The following TBK1 variants were observed in gnomAD, a reference collection of about 807,000 sequenced individuals.
The protein encoded by TBK1 is TANK binding kinase 1.
Under a neutral mutation model 99.9 loss-of-function variants are expected in TBK1, and 37 were observed. That is an observed-to-expected ratio of 0.37 (90% CI 0.28 to 0.49). The LOEUF (loss-of-function observed/expected upper bound fraction) is 0.49, where lower values mean the gene tolerates loss of function less well. Ranked by LOEUF, TBK1 falls within the 20% of genes least tolerant of loss-of-function variation. TBK1 has a pLI of 0.98. For missense variants in TBK1, 644 were observed against 872.5 expected (o/e 0.74, Z 3.30); for synonymous variants, 258 against 279.8 (o/e 0.92, Z 0.78).
At chr12:64,480,284 G>C (rs1213031763) in intron 7 of TBK1, among the ~76,000 whole-genome samples, 162 bp downstream of exon 7, 1 of 152,128 alleles carries the variant, frequency 6.6e-6, no homozygotes, top group Non-Finnish European at 1.5e-5. Context: ...CTTCGTGGTG[G>C]TGAAAAGATT....
intron 4 of TBK1, among the ~76,000 whole-genome samples, chr12:64,464,868 C>T (rs1250674948): frequency 2.0e-5 from 3 of 152,004 alleles, no homozygotes; most frequent in Admixed American, 2.0e-4. Context: ...AATTAATAAC[C>T]GACATCATTG....
intron 9 of TBK1, 128 bp downstream of exon 9, chr12:64,484,627 C>T: frequency 1.2e-6 from 1 of 838,028 alleles, no homozygotes; most frequent in Non-Finnish European, 1.8e-6. Context: ...TGGCTTGCAC[C>T]TGTAGTCCCA....
At position 64,464,337 on chromosome 12, in the gene TBK1, A is replaced by G. The variant is rs2040580437; in HGVS notation, c.232A>G (p.Thr78Ala). 1 of 1,573,706 alleles carries G rather than the reference A, an allele frequency of 6.4e-7. No individual in the cohort carries two copies. The highest frequency in any genetic ancestry group is 8.6e-7 in the Non-Finnish European group (1 of 1,166,944). ...VKLFAIEEET[T>A]TRHKVLIMEF... ...AATCAATGATTTTTTTTTTCAGACA[A>G]CAACAAGACATAAAGTACTTATTAT... The change falls in exon 4 of 21, where the codon ACA becomes GCA. Residue 78 changes from threonine (T) to alanine (A), a missense_variant. By Grantham distance (58) the Thr-to-Ala change is moderately conservative (BLOSUM62 0). This residue lies in a region of TBK1 where 148 missense variants were observed against 202.1 expected (regional missense o/e 0.73). Coordinates refer to ENST00000331710, the MANE Select transcript of TBK1 (RefSeq NM_013254.4).
rs774655199 is a variant in TBK1 at position 64,498,032 on chromosome 12, T to C, written c.2131T>C (p.Leu711=). ...AGAACTTGCTGAAAATAACCACATT[T>C]TAGAAAGGTGAGTAATGCAAAAATA... The part of the protein sequence containing the change: ...VKELAENNHI[L]ERFGSLTMDG... Residue 711 remains leucine, a synonymous_variant, in exon 20 of 21, where the codon TTA becomes CTA. Transcript: ENST00000331710. 5.0e-6 allele frequency: 8 copies of C among 1,602,138 alleles called. No individual in the cohort carries two copies. The highest frequency in any genetic ancestry group is 5.9e-6 in the Non-Finnish European group (7 of 1,177,164).
chr12:64,481,178 G>A (rs965260350), intron 7 of TBK1, among the ~76,000 whole-genome samples: 1 of 152,040 alleles, frequency 6.6e-6, no homozygotes, highest in African/African-American at 2.4e-5. Context: ...TACTCATTTT[G>A]GGGATCTCAG....
chr12:64,478,837 A>G (rs2040739603), intron 6 of TBK1, among the ~76,000 whole-genome samples: 1 of 152,182 alleles, frequency 6.6e-6, no homozygotes, highest in African/African-American at 2.4e-5. Flanking sequence ...TTTTCATCAT[A>G]GATAGTATCA....
In TBK1 at chr12:64,497,237, A is replaced by G. The variant is rs775044017; in HGVS notation, c.1937A>G (p.Lys646Arg). Residue 646 changes from lysine to arginine, a missense_variant, in exon 18 of 21, where the codon AAA becomes AGA. By Grantham distance (26) the Lys-to-Arg change is conservative. Coordinates refer to ENST00000331710, the MANE Select transcript of TBK1 (RefSeq NM_013254.4). The stretch of plus-strand genomic sequence containing the variant: ...TTTGATATTGAAGAAGAAGTATCAA[A>G]ATATCAAGAATATACTAATGAGGTA... ...QCFDIEEEVS[K>R]YQEYTNELQE... 6.3e-7 allele frequency: 1 copy of G among 1,591,504 alleles called. No homozygotes were observed. Among genetic ancestry groups the G allele is most frequent in the South Asian group, 1.1e-5 (1 of 88,266 alleles).
intron 1 of TBK1, chr12:64,452,746 A>G (rs1202784159): frequency 6.6e-6 from 1 of 152,236 alleles, no homozygotes; most frequent in Non-Finnish European, 1.5e-5. Context: ...AGATGTTTTA[A>G]ATATATGCCG....
chr12:64,456,756 G>A (rs2040492667), intron 2 of TBK1, among the ~76,000 whole-genome samples: 1 of 151,672 alleles, frequency 6.6e-6, no homozygotes, highest in Non-Finnish European at 1.5e-5. Context: ...GCAGGAGAAT[G>A]GTGTGAACCC....
At position 64,501,528 on chromosome 12, in the gene TBK1, T is replaced by C; in HGVS notation, c.*147T>C. On this transcript the variant is annotated 3_prime_UTR_variant, in exon 21 of 21. Transcript: ENST00000331710. ...AAATATGTACAATATTGTAAATACATAAAAAATATACAAATTTTTGGCTGC... is the reference window on the plus strand; with the variant it reads ...AAATATGTACAATATTGTAAATACACAAAAAATATACAAATTTTTGGCTGC... 4.1e-6 allele frequency: 3 copies of C among 723,980 alleles called. No individual in the cohort carries two copies. The highest frequency in any genetic ancestry group is 6.4e-6 in the Non-Finnish European group (3 of 466,788). The allele number at this position is 723,980 out of a possible 1,614,324, so 44.8% of individuals were successfully genotyped here.
At chr12:64,469,271 C>T (rs1000605463) in intron 5 of TBK1, among the ~76,000 whole-genome samples, 2 of 152,108 alleles carry the variant, frequency 1.3e-5, no homozygotes, top group African/African-American at 4.8e-5. Flanking sequence ...GCTTCATATC[C>T]TGAATTCTCC....
At chr12:64,496,700 G>T (rs1393438020) in intron 16 of TBK1, among the ~76,000 whole-genome samples, 1 of 152,102 alleles carries the variant, frequency 6.6e-6, no homozygotes, top group Admixed American at 6.6e-5. Context: ...ATAGGCAAGG[G>T]CAGACTTAAC....
intron 13 of TBK1, among the ~76,000 whole-genome samples, chr12:64,492,784 G>A (rs987988353): frequency 1.3e-5 from 2 of 150,906 alleles, no homozygotes; most frequent in Non-Finnish European, 2.9e-5. Flanking sequence ...GTGCAATGGC[G>A]TAATCTCGGC....
intron 5 of TBK1, 143 bp downstream of exon 5, chr12:64,467,225 A>G: frequency 1.7e-6 from 1 of 602,866 alleles, no homozygotes; most frequent in South Asian, 3.6e-5. Context: ...TATGTGCAAC[A>G]TGGGAATTAG....
chr12:64,499,777 A>G (rs1316717058), intron 20 of TBK1, among the ~76,000 whole-genome samples: 1 of 136,828 alleles, frequency 7.3e-6, no homozygotes, highest in Non-Finnish European at 1.5e-5. Flanking sequence ...GGCTCACTGC[A>G]ACCTCCACCT....
In TBK1 at chr12:64,467,010, A is replaced by G; in HGVS notation, c.468A>G (p.Thr156=). 1.2e-6 allele frequency: 2 copies of G among 1,612,210 alleles called. No homozygotes were observed. The highest frequency in any genetic ancestry group is 2.7e-5 in the African/African-American group (2 of 74,974). ...ATGGACAGTCTGTGTACAAACTCACAGATTTTGGTGCAGCTAGAGAATTAG... is the reference window on the plus strand; with the variant it reads ...ATGGACAGTCTGTGTACAAACTCACGGATTTTGGTGCAGCTAGAGAATTAG... The part of the protein sequence containing the change: ...GEDGQSVYKL[T]DFGAARELED... The change falls in exon 5 of 21, where the codon ACA becomes ACG. Residue 156 remains threonine (T), a synonymous_variant. Transcript: ENST00000331710.
chr12:64,497,878 A>C, intron 19 of TBK1, 90 bp from the exon 20 acceptor site: 1 of 1,413,896 alleles, frequency 7.1e-7, no homozygotes, highest in Non-Finnish European at 9.9e-7. Context: ...AAGGTTATCT[A>C]TTGACCAGTT....
intron 1 of TBK1, among the ~76,000 whole-genome samples, chr12:64,453,497 A>G (rs1398595552): frequency 6.6e-6 from 1 of 152,224 alleles, no homozygotes; most frequent in East Asian, 1.9e-4. Context: ...ATAGTCGTAT[A>G]TAAAGTTTAT....
rs146339139 is a variant in TBK1, at chr12:64,478,234, T to C, written c.702-1778T>C. 5.0e-3 allele frequency among the ~76,000 whole-genome samples: 765 copies of C among 152,352 alleles called. 8 individuals carry two copies. Among genetic ancestry groups the C allele is most frequent in the Middle Eastern group, 0.014 (4 of 294 alleles). On this transcript the variant is annotated intron_variant, in intron 6 of 20. Coordinates refer to ENST00000331710, the MANE Select transcript of TBK1 (RefSeq NM_013254.4). ...GGCCTGATCTCAGCTCACTGCAACC[T>C]GTACCTGCCAGGTTCAAGCAATTCT...
Sources: allele counts gnomAD v4.1 joint callset (sites outside exome capture counted in the v4.1 genomes callset), GRCh38; gene constraint gnomAD v4.1.1; regional missense constraint gnomAD v4.1.1; transcripts MANE v1.5; gene names NCBI Gene and HGNC (gene_info 2026-07-23, HGNC 2026-07-21).